Variants in LPP observed in about 807,000 individuals in gnomAD.
The protein encoded by LPP is LIM domain containing preferred translocation partner in lipoma, also known as lipoma-preferred partner.
A neutral mutation model predicts 60.4 loss-of-function variants in LPP; 38 were observed. The observed-to-expected ratio is 0.63, with a 90% confidence interval of 0.49 to 0.83. The LOEUF is 0.83. Among genes scored for constraint, LPP ranks in the 40% least tolerant of loss-of-function variants. The pLI is 0.00. For missense variants in LPP, 902 were observed against 783.6 expected, an observed-to-expected ratio of 1.15 and a Z score of -1.80; for synonymous variants, 328 against 290.8, an observed-to-expected ratio of 1.13 and a Z score of -1.30.
chr3:188,780,750 A>G (rs1202168383), intron 9 of LPP, among the ~76,000 whole-genome samples: 1 of 151,978 alleles, frequency 6.6e-6, no homozygotes, highest in Non-Finnish European at 1.5e-5. Flanking sequence ...TTCTCATTAC[A>G]TTGTTTCTGG....
chr3:188,274,896 C>T (rs6793425), intron 2 of LPP, among the ~76,000 whole-genome samples: 1,586 of 152,298 alleles, frequency 0.01, 25 homozygotes, highest in African/African-American at 0.036. Flanking sequence ...AGGGTAGTTT[C>T]TGAACTATCT....
chr3:188,451,867 G>A (rs1400261868), intron 4 of LPP, among the ~76,000 whole-genome samples: 1 of 152,162 alleles, frequency 6.6e-6, no homozygotes, highest in Admixed American at 6.5e-5. Flanking sequence ...GTTGTTTTGA[G>A]GACTTTTATT....
chr3:188,288,423 C>T (rs368247583), intron 2 of LPP, among the ~76,000 whole-genome samples: 32 of 152,200 alleles, frequency 2.1e-4, no homozygotes, highest in Non-Finnish European at 3.8e-4. Flanking sequence ...AATAGAAAAC[C>T]AAGTTGAAAT....
At chr3:188,569,043 A>G (rs1315726255) in intron 6 of LPP, 1 of 151,944 alleles carries the variant, frequency 6.6e-6, no homozygotes, top group East Asian at 1.9e-4. Flanking sequence ...GTCTAGGCAG[A>G]AGAAATTGCA....
chr3:188,638,246 A>G (rs999366557), intron 7 of LPP, among the ~76,000 whole-genome samples: 13 of 146,144 alleles, frequency 8.9e-5, no homozygotes, highest in African/African-American at 2.5e-5. Context: ...GCATATAAAC[A>G]GAGCCAAAGA....
At chr3:188,827,712 A>C (rs1253729691) in intron 9 of LPP, among the ~76,000 whole-genome samples, 2 of 152,036 alleles carry the variant, frequency 1.3e-5, no homozygotes, top group Non-Finnish European at 2.9e-5. Flanking sequence ...GGTAGGGGGA[A>C]GATTCCTTTC....
chr3:188,196,040 A>G (rs190953801), intron 1 of LPP, among the ~76,000 whole-genome samples: 1 of 152,190 alleles, frequency 6.6e-6, no homozygotes, highest in East Asian at 1.9e-4. Context: ...GAGGGCTCAG[A>G]TGCATTCCTT....
intron 4 of LPP, among the ~76,000 whole-genome samples, chr3:188,432,162 T>C (rs191478768): frequency 2.6e-5 from 4 of 152,186 alleles, no homozygotes; most frequent in African/African-American, 7.2e-5. Flanking sequence ...CTCAGAGAGA[T>C]AGTAAGTTGC....
At chr3:188,543,832 G>A (rs752938352) in intron 6 of LPP, among the ~76,000 whole-genome samples, 94 of 152,182 alleles carry the variant, frequency 6.2e-4, no homozygotes, top group Non-Finnish European at 1.2e-3. Context: ...AGAATGTGAA[G>A]CCCAGGAATT....
intron 9 of LPP, among the ~76,000 whole-genome samples, chr3:188,803,488 A>T (rs1747956266): frequency 6.6e-6 from 1 of 152,204 alleles, no homozygotes. Context: ...TAATTTTTAT[A>T]TAAGGTGATC....
At chr3:188,334,773 C>G (rs921615493) in intron 2 of LPP, among the ~76,000 whole-genome samples, 5 of 152,166 alleles carry the variant, frequency 3.3e-5, no homozygotes, top group Admixed American at 2.0e-4. Flanking sequence ...ATACTATTTT[C>G]TATAATGGCT....
At position 188,804,283 on chromosome 3, in the gene LPP, A is replaced by AT. The variant is rs1553853277; in HGVS notation, c.1410+44001_1410+44002insT. Among the ~76,000 whole-genome samples, 33 of 126,668 alleles carry AT rather than the reference A, an allele frequency of 2.6e-4. 1 individual carries two copies. Among genetic ancestry groups the AT allele is most frequent in the East Asian group, 5.3e-4 (2 of 3,754 alleles). The allele number at this position is 126,668 out of a possible 152,430, so 83.1% of individuals were successfully genotyped here. On this transcript the variant is annotated intron_variant, in intron 9 of 11. Transcript: ENST00000617246. ...TATATATATATATATATATATATAT[A>AT]AAATGGAATACAATTCAGCCATAAA...
chr3:188,262,168 A>G (rs1271028658), intron 2 of LPP, among the ~76,000 whole-genome samples: 1 of 152,156 alleles, frequency 6.6e-6, no homozygotes, highest in Non-Finnish European at 1.5e-5. Flanking sequence ...GGCAGTGCAG[A>G]GTTGATGATG....
intron 4 of LPP, among the ~76,000 whole-genome samples, chr3:188,408,350 A>T (rs1449928058): frequency 6.6e-6 from 1 of 152,172 alleles, no homozygotes; most frequent in African/African-American, 2.4e-5. Flanking sequence ...GAAGAGAAGC[A>T]TATAATGGCC....
At chr3:188,713,842 T>C (rs1391523983) in intron 8 of LPP, among the ~76,000 whole-genome samples, 1 of 152,230 alleles carries the variant, frequency 6.6e-6, no homozygotes. Flanking sequence ...TTTCTGCACC[T>C]TCTCAACTTT....
At chr3:188,383,789 A>T (rs555093224) in intron 3 of LPP, among the ~76,000 whole-genome samples, 1 of 152,162 alleles carries the variant, frequency 6.6e-6, no homozygotes, top group African/African-American at 2.4e-5. Context: ...ACATATTCCA[A>T]ATTACTTTGG....
chr3:188,591,798 A>T (rs917851569), intron 6 of LPP, among the ~76,000 whole-genome samples: 1 of 152,216 alleles, frequency 6.6e-6, no homozygotes, highest in African/African-American at 2.4e-5. Context: ...ACAACAATAA[A>T]TGACTGGTCT....
chr3:188,739,379 G>A (rs972402297), intron 8 of LPP, among the ~76,000 whole-genome samples: 1 of 152,096 alleles, frequency 6.6e-6, no homozygotes, highest in African/African-American at 2.4e-5. Context: ...ATAATAAGGT[G>A]TGATTGTCGT....
In LPP at chr3:188,406,098, C is replaced by G. The variant is rs1783427797; in HGVS notation, c.-9-14C>G. ...TCATGCTTCCATAAAAACAGTGTTT[C>G]TTTTTCATTGCAGATTCCAACAATG... On this transcript the variant is annotated splice_polypyrimidine_tract_variant and intron_variant, in intron 3 of 11. Transcript: ENST00000617246. 1 of 1,600,846 alleles carries G rather than the reference C, an allele frequency of 6.2e-7. No individual in the cohort carries two copies. The highest frequency in any genetic ancestry group is 1.3e-5 in the African/African-American group (1 of 74,372).
Sources: gnomAD v4.1 joint callset for allele counts (sites outside exome capture counted in the v4.1 genomes callset) on GRCh38, gnomAD v4.1.1 for gene constraint, MANE v1.5 for transcripts, NCBI Gene and HGNC (gene_info 2026-07-23, HGNC 2026-07-21) for gene names.